ANAPC10: variants seen among roughly 807,000 people sequenced by gnomAD.
ANAPC10 encodes the protein anaphase promoting complex subunit 10.
In ANAPC10, 12 loss-of-function variants were observed where a neutral mutation model predicts 22.0. That is an observed-to-expected ratio of 0.55 (90% CI 0.35 to 0.88). The LOEUF (loss-of-function observed/expected upper bound fraction) is 0.88, where lower values mean the gene tolerates loss of function less well. ANAPC10 is among the 40% of genes least tolerant of loss of function. The pLI is 0.01. For missense variants in ANAPC10, 188 were observed against 220.9 expected (o/e 0.85, Z 0.94); for synonymous variants, 65 against 69.5 (o/e 0.94, Z 0.32).
chr4:145,011,725 C>T (rs1416601810), intron 4 of ANAPC10, among the ~76,000 whole-genome samples: 1 of 152,130 alleles, frequency 6.6e-6, no homozygotes, highest in Non-Finnish European at 1.5e-5. Flanking sequence ...ACTTCAAGGG[C>T]TTCAAATACA....
intron 2 of ANAPC10, among the ~76,000 whole-genome samples, chr4:145,095,101 G>C (rs1042763584): frequency 6.6e-6 from 1 of 151,996 alleles, no homozygotes; most frequent in Non-Finnish European, 1.5e-5. Context: ...ATTGGACAGA[G>C]ATATATGATA....
intron 4 of ANAPC10, among the ~76,000 whole-genome samples, chr4:145,027,712 G>A (rs1736969309): frequency 6.6e-6 from 1 of 152,174 alleles, no homozygotes; most frequent in Non-Finnish European, 1.5e-5. Context: ...TGGAGAATGT[G>A]TTTAAAATTC....
intron 4 of ANAPC10, among the ~76,000 whole-genome samples, chr4:145,013,911 A>G (rs1238787531): frequency 6.6e-6 from 1 of 152,096 alleles, no homozygotes; most frequent in Non-Finnish European, 1.5e-5. Flanking sequence ...GGGGTAGAGA[A>G]AGCAGTGGAA....
chr4:145,018,766 A>C (rs962388673), intron 4 of ANAPC10, among the ~76,000 whole-genome samples: 23 of 152,344 alleles, frequency 1.5e-4, no homozygotes, highest in African/African-American at 5.5e-4. Context: ...CATTTCATGT[A>C]AATGGACACC....
At chr4:145,011,283 G>A (rs1026093671) in intron 4 of ANAPC10, among the ~76,000 whole-genome samples, 1 of 151,436 alleles carries the variant, frequency 6.6e-6, no homozygotes, top group Admixed American at 6.6e-5. Context: ...GTTGCAGTAA[G>A]CCAAGATTGC....
chr4:145,002,184 TAGAA>T (rs1308421968), intron 4 of ANAPC10, among the ~76,000 whole-genome samples: 3 of 152,122 alleles, frequency 2.0e-5, no homozygotes, highest in South Asian at 2.1e-4. Context: ...TCCTTTCACT[TAGAA>T]AGAAACTGAA....
intron 4 of ANAPC10, among the ~76,000 whole-genome samples, chr4:145,049,127 AT>A (rs1022356033): frequency 3.3e-5 from 5 of 152,326 alleles, no homozygotes; most frequent in South Asian, 2.1e-4. Context: ...TCACAAAAAA[AT>A]ATTTTACTGC....
intron 4 of ANAPC10, among the ~76,000 whole-genome samples, chr4:145,003,838 C>T (rs1732947674): frequency 1.3e-5 from 2 of 151,920 alleles, no homozygotes; most frequent in Admixed American, 6.6e-5. Flanking sequence ...TTTTTGGTTC[C>T]GTATGAATTT....
At position 144,995,074 on chromosome 4, in the gene ANAPC10, T is replaced by G; in HGVS notation, c.*299A>C. 4.9e-6 allele frequency: 1 copy of G among 205,276 alleles called. No homozygotes were observed. The highest frequency in any genetic ancestry group is 9.8e-6 in the Non-Finnish European group (1 of 101,838). 12.7% of individuals were successfully genotyped at this position (205,276 alleles called of 1,614,324 possible). The stretch of plus-strand genomic sequence containing the variant: ...TATTATAATTGTGTATATACTGAAA[T>G]TTTCAGTTCAACTCTTTTCTTTTGA... On this transcript the variant is annotated 3_prime_UTR_variant, in exon 5 of 5. Coordinates refer to ENST00000507656, the MANE Select transcript of ANAPC10 (RefSeq NM_001256706.2).
chr4:145,076,709 T>C lies in ANAPC10; in HGVS notation c.206+4951A>G, dbSNP rs114147033. ...AACCCAATCCAAGGAATCTAAGGAA[T>C]CCAGTAAAATGAATCAAGAGCTGAA... On this transcript the variant is annotated intron_variant, in intron 3 of 4. Coordinates refer to ENST00000507656, the MANE Select transcript of ANAPC10 (RefSeq NM_001256706.2). Among the ~76,000 whole-genome samples the C allele has an allele frequency of 4.2e-3, 640 of 152,236 alleles. 6 individuals are homozygous for C. Among genetic ancestry groups the C allele is most frequent in the African/African-American group, 0.015 (605 of 41,538 alleles).
chr4:145,013,943 GT>G lies in ANAPC10; in HGVS notation c.328-18341del, dbSNP rs537771400. ...GGAAAAGGCCCTGGGAGCTTGCTGGGTCCCCAGGCAGGCCATTCTTGCCTGG... is the reference window on the plus strand; with the variant it reads ...GGAAAAGGCCCTGGGAGCTTGCTGGGCCCCAGGCAGGCCATTCTTGCCTGG... On this transcript the variant is annotated intron_variant, in intron 4 of 4. Coordinates refer to ENST00000507656, the MANE Select transcript of ANAPC10 (RefSeq NM_001256706.2). 4.2e-3 allele frequency among the ~76,000 whole-genome samples: 638 copies of G among 152,230 alleles called. 10 individuals carry two copies. Among genetic ancestry groups the G allele is most frequent in the African/African-American group, 0.015 (608 of 41,514 alleles).
chr4:145,069,144 T>G (rs1411665803), intron 3 of ANAPC10, among the ~76,000 whole-genome samples: 1 of 152,148 alleles, frequency 6.6e-6, no homozygotes, highest in Non-Finnish European at 1.5e-5. Context: ...ACTAGAATAC[T>G]GGAGAACATA....
At chr4:145,017,876 C>T (rs1005552865) in intron 4 of ANAPC10, among the ~76,000 whole-genome samples, 30 of 149,924 alleles carry the variant, frequency 2.0e-4, no homozygotes, top group African/African-American at 7.1e-4. Context: ...GGATAAAAAA[C>T]CAAACACCGT....
At chr4:145,098,249 C>T (rs1248873301), upstream of ANAPC10, 1 of 152,330 alleles carries the variant, frequency 6.6e-6, no homozygotes, top group African/African-American at 2.4e-5. Flanking sequence ...CAGGGTTCCG[C>T]CTCACGCTCT....
intron 3 of ANAPC10, among the ~76,000 whole-genome samples, chr4:145,080,973 C>G (rs995518267): frequency 1.0e-4 from 15 of 148,290 alleles, no homozygotes; most frequent in Non-Finnish European, 1.8e-4. Flanking sequence ...TGGTTTCCAA[C>G]TATGTCAATA....
At chr4:145,005,282 A>G (rs145088560) in intron 4 of ANAPC10, among the ~76,000 whole-genome samples, 1 of 152,124 alleles carries the variant, frequency 6.6e-6, no homozygotes, top group Non-Finnish European at 1.5e-5. Context: ...ATAGTCTCTC[A>G]GGGATTTTGG....
intron 4 of ANAPC10, among the ~76,000 whole-genome samples, chr4:145,006,057 G>A (rs1035602558): frequency 2.0e-5 from 3 of 152,128 alleles, no homozygotes; most frequent in African/African-American, 7.2e-5. Context: ...TGGTGTTAAA[G>A]TCTCCCCACT....
rs181171031 is a variant in ANAPC10 at position 144,998,387 on chromosome 4, G to A, written c.328-2784C>T. 2.0e-3 allele frequency among the ~76,000 whole-genome samples: 308 copies of A among 152,162 alleles called. 2 individuals are homozygous for A. Among genetic ancestry groups the A allele is most frequent in the Non-Finnish European group, 3.7e-3 (254 of 67,984 alleles). ...AGAAATTATCACAAACTGTCTCTAA[G>A]ACCACAGTGCAATCAAATTCACAAA... On this transcript the variant is annotated intron_variant, in intron 4 of 4. Coordinates refer to ENST00000507656, the MANE Select transcript of ANAPC10 (RefSeq NM_001256706.2).
chr4:145,052,864 G>A (rs1388891637), intron 4 of ANAPC10, among the ~76,000 whole-genome samples: 3 of 150,280 alleles, frequency 2.0e-5, no homozygotes, highest in Admixed American at 6.6e-5. Flanking sequence ...CTCCTGCCTG[G>A]GCAACAGAGC....
Sources: gnomAD v4.1 joint callset for allele counts (sites outside exome capture counted in the v4.1 genomes callset) on GRCh38, gnomAD v4.1.1 for gene constraint, MANE v1.5 for transcripts, NCBI Gene and HGNC (gene_info 2026-07-23, HGNC 2026-07-21) for gene names.